MYH13: variants seen among roughly 807,000 people sequenced by gnomAD.
MYH13 encodes the protein myosin heavy chain 13, also known as myosin-13.
Under a neutral mutation model 232.1 loss-of-function variants are expected in MYH13, and 177 were observed. The ratio of observed to expected loss-of-function variants is 0.76; its 90% CI spans 0.67 to 0.86. MYH13 has a LOEUF of 0.86. Among genes scored for constraint, MYH13 ranks in the 40% least tolerant of loss-of-function variants. The pLI is 0.00. For missense variants in MYH13, 2,246 were observed against 2,405.9 expected, an observed-to-expected ratio of 0.93 and a Z score of 1.39; for synonymous variants, 884 against 923.5, an observed-to-expected ratio of 0.96 and a Z score of 0.78.
At position 10,362,255 on chromosome 17, in the gene MYH13, C is replaced by T. The variant is rs2071799837; in HGVS notation, c.368G>A (p.Cys123Tyr). The T allele has an allele frequency of 1.9e-6, 3 of 1,613,616 alleles. No individual in the cohort carries two copies. Among genetic ancestry groups the T allele is most frequent in the Non-Finnish European group, 2.5e-6 (3 of 1,179,606 alleles). ...CCACTTGTAGGGGTTGACGGTGACA[C>T]AGAAGAGGCCTGAGTAGGTCTGGGA... The part of the protein sequence containing the change: ...WMIYTYSGLF[C>Y]VTVNPYKWLP... Residue 123 changes from cysteine (C) to tyrosine (Y), a missense_variant, in exon 5 of 41, where the codon TGT becomes TAT. Cys to Tyr is a radical substitution (Grantham distance 194). Transcript: ENST00000252172.
In MYH13 at chr17:10,309,644, C is replaced by G; in HGVS notation, c.4843G>C (p.Ala1615Pro). The stretch of plus-strand genomic sequence containing the variant: ...TCCATCTTCTTCTTTAGCCTCAGGG[C>G]GTCGTTCCGGCTGCGGATTTCAGCA... ...LDAEIRSRND[A>P]LRLKKKMEGD... The change falls in exon 34 of 41, where the codon GCC becomes CCC. Residue 1615 changes from alanine to proline, a missense_variant. Coordinates refer to ENST00000252172, the MANE Select transcript of MYH13 (RefSeq NM_003802.3). The G allele has an allele frequency of 6.2e-7, 1 of 1,612,038 alleles. No homozygotes were observed.
intron 1 of MYH13, among the ~76,000 whole-genome samples, chr17:10,372,224 G>C (rs975718606): frequency 6.6e-6 from 1 of 152,190 alleles, no homozygotes; most frequent in Non-Finnish European, 1.5e-5. Context: ...TGGAGGCAGA[G>C]CTACAGAAAT....
chr17:10,343,689 A>G, intron 16 of MYH13, 111 bp downstream of exon 16: 4 of 1,223,392 alleles, frequency 3.3e-6, no homozygotes, highest in South Asian at 1.7e-5. Flanking sequence ...AAAGAGAAAC[A>G]TCATACTCAG....
Position 10,357,732 on chromosome 17 carries a change from T to TA in MYH13, c.738+2dup, listed in dbSNP as rs1311406668. 3 of 1,613,262 alleles carry TA rather than the reference T, an allele frequency of 1.9e-6. No homozygotes were observed. The highest frequency in any genetic ancestry group is 2.5e-6 in the Non-Finnish European group (3 of 1,179,492). Reference sequence around the variant, plus strand: ...GATACTTGAAAATTGGGCCGGATCTTACAAATCTTGAGGAGTTGTCATTCC... The same window carrying TA: ...GATACTTGAAAATTGGGCCGGATCTTAACAAATCTTGAGGAGTTGTCATTCC... On this transcript the variant is annotated splice_region_variant and intron_variant, in intron 8 of 40. Transcript: ENST00000252172.
intron 30 of MYH13, 109 bp downstream of exon 30, chr17:10,313,049 G>T: frequency 1.3e-6 from 2 of 1,536,352 alleles, no homozygotes; most frequent in South Asian, 1.2e-5. Context: ...GAGTGTTTCA[G>T]AAACCACAAA....
intron 11 of MYH13, 65 bp downstream of exon 11, chr17:10,354,615 C>T (rs1356687309): frequency 5.6e-6 from 8 of 1,431,284 alleles, no homozygotes; most frequent in East Asian, 4.6e-5. Context: ...AGCTCACTAA[C>T]GTGTCTCTCA....
rs112091531 is a variant in MYH13, at chr17:10,303,879, C to T, written c.5467-381G>A. 4.8e-3 allele frequency among the ~76,000 whole-genome samples: 735 copies of T among 152,208 alleles called. 8 individuals carry two copies. Among genetic ancestry groups the T allele is most frequent in the African/African-American group, 0.017 (690 of 41,522 alleles). The stretch of plus-strand genomic sequence containing the variant: ...AAGCCTTGGAACCAACCCAAATGCC[C>T]ATAAATGATAGACTGGATAAAGAAA... On this transcript the variant is annotated intron_variant, in intron 37 of 40. Transcript: ENST00000252172.
chr17:10,301,726 A>G, intron 39 of MYH13, 23 bp from the exon 40 acceptor site: 1 of 1,611,648 alleles, frequency 6.2e-7, no homozygotes, highest in East Asian at 2.2e-5. Context: ...CAGAGGGGGT[A>G]TGACGCTGTA....
Position 10,307,035 on chromosome 17 carries a change from T to G in MYH13, c.5199A>C (p.Lys1733Asn). The G allele has an allele frequency of 6.2e-7, 1 of 1,614,004 alleles. No individual in the cohort carries two copies. The highest frequency in any genetic ancestry group is 8.5e-7 in the Non-Finnish European group (1 of 1,179,884). Residue 1733 changes from lysine to asparagine, a missense_variant, in exon 36 of 41, where the codon AAA (lysine) becomes AAC (asparagine). By Grantham distance (94) the Lys-to-Asn change is moderately conservative (BLOSUM62 0). Coordinates refer to ENST00000252172, the MANE Select transcript of MYH13 (RefSeq NM_003802.3). ...QNTSLINTKK[K>N]LEADIAQCQA... is the part of the protein sequence containing the mutation. ...GGCACTGAGCTATGTCAGCCTCCAGTTTTTTCTTGGTATTTATCAGGCTTG... is the reference window on the plus strand; with the variant it reads ...GGCACTGAGCTATGTCAGCCTCCAGGTTTTTCTTGGTATTTATCAGGCTTG...
In MYH13 at chr17:10,309,848, G is replaced by A; in HGVS notation, c.4657-18C>T. The A allele has an allele frequency of 2.6e-6, 4 of 1,533,476 alleles. No individual in the cohort carries two copies. The highest frequency in any genetic ancestry group is 3.5e-6 in the Non-Finnish European group (4 of 1,134,794). The allele number at this position is 1,533,476 out of a possible 1,614,324, so 95.0% of individuals were successfully genotyped here. A position where few individuals can be genotyped will look rare whatever the true frequency, so the allele number is the denominator to read the frequency against. On this transcript the variant is annotated intron_variant, in intron 33 of 40. Coordinates refer to ENST00000252172, the MANE Select transcript of MYH13 (RefSeq NM_003802.3). ...AAGGAACCCTGACGAAAGCAAAGGA[G>A]TGATTGAGAGTGCCGTGGACATCCA...
In MYH13 at chr17:10,312,730, T is replaced by C; in HGVS notation, c.4209A>G (p.Glu1403=). The part of the protein sequence containing the change: ...AKKKLAQRLQ[E]AEENTETANS... ...TCGCCGTCTCCGTGTTCTCCTCTGC[T>C]TCCTGGAGCCTCTGGGCCAGTTTTT... Residue 1403 remains glutamate, a synonymous_variant, in exon 31 of 41, where the codon GAA becomes GAG. Coordinates refer to ENST00000252172, the MANE Select transcript of MYH13 (RefSeq NM_003802.3). 2 of 1,613,276 alleles carry C rather than the reference T, an allele frequency of 1.2e-6. No homozygotes were observed. Among genetic ancestry groups the C allele is most frequent in the Non-Finnish European group, 1.7e-6 (2 of 1,179,676 alleles).
At chr17:10,322,586 T>C (rs1390416115) in intron 23 of MYH13, among the ~76,000 whole-genome samples, 2 of 151,722 alleles carry the variant, frequency 1.3e-5, no homozygotes, top group Admixed American at 1.3e-4. Flanking sequence ...TTTTCTTTAG[T>C]CCACATAGTG....
intron 27 of MYH13, among the ~76,000 whole-genome samples, chr17:10,316,766 G>T (rs141541382): frequency 6.6e-6 from 1 of 152,308 alleles, no homozygotes; most frequent in African/African-American, 2.4e-5. Flanking sequence ...CTTCCAGTTG[G>T]CCTGTATTTT....
At chr17:10,335,213 G>T (rs1478206039) in intron 18 of MYH13, among the ~76,000 whole-genome samples, 1 of 152,084 alleles carries the variant, frequency 6.6e-6, no homozygotes, top group Non-Finnish European at 1.5e-5. Context: ...ACTGTTTCAC[G>T]TACAAAATTA....
intron 24 of MYH13, 65 bp from the exon 25 acceptor site, chr17:10,320,561 T>G: frequency 6.5e-7 from 1 of 1,547,308 alleles, no homozygotes; most frequent in Non-Finnish European, 8.7e-7. Context: ...GTTTATCCAG[T>G]GTAGCCATAC....
chr17:10,352,602 A>C (rs1444550043), intron 11 of MYH13, among the ~76,000 whole-genome samples: 1 of 151,946 alleles, frequency 6.6e-6, no homozygotes, highest in African/African-American at 2.4e-5. Context: ...AAAACAAAAA[A>C]CAAAAAACCA....
chr17:10,319,213 G>A, intron 26 of MYH13, 34 bp from the exon 27 acceptor site: 1 of 1,591,420 alleles, frequency 6.3e-7, no homozygotes, highest in Non-Finnish European at 8.6e-7. Context: ...ATGTTATTGT[G>A]GAGGAGGGGG....
chr17:10,344,904 C>T (rs1043018918), intron 15 of MYH13, among the ~76,000 whole-genome samples: 1 of 151,936 alleles, frequency 6.6e-6, no homozygotes, highest in East Asian at 1.9e-4. Flanking sequence ...CTCCATGGTT[C>T]CGCCTCCTTG....
chr17:10,359,777 G>C (rs997454455), intron 7 of MYH13, among the ~76,000 whole-genome samples, 183 bp downstream of exon 7: 2 of 152,144 alleles, frequency 1.3e-5, no homozygotes, highest in Non-Finnish European at 1.5e-5. Flanking sequence ...GAATTGTTTG[G>C]CATGGAAAAA....
Sources: gnomAD v4.1 joint callset for allele counts (sites outside exome capture counted in the v4.1 genomes callset) on GRCh38, gnomAD v4.1.1 for gene constraint, MANE v1.5 for transcripts, NCBI Gene and HGNC (gene_info 2026-07-23, HGNC 2026-07-21) for gene names.